The following YIPF6 variants were observed in gnomAD, a reference collection of about 807,000 sequenced individuals.
The protein encoded by YIPF6 is protein YIPF6.
YIPF6 carries 3 observed loss-of-function variants against 16.8 expected under a neutral mutation model. The observed-to-expected ratio is 0.18, with a 90% CI of 0.08 to 0.46. The LOEUF (loss-of-function observed/expected upper bound fraction) is 0.46. Ranked by LOEUF, YIPF6 falls within the 20% of genes least tolerant of loss-of-function variation. YIPF6 has a pLI of 0.98. For missense variants in YIPF6, 145 were observed against 184.9 expected (o/e 0.78, Z 1.25); for synonymous variants, 67 against 61.9 (o/e 1.08, Z -0.38).
At chrX:68,522,035 C>T (rs1483676716) in intron 5 of YIPF6, among the ~76,000 whole-genome samples, 1 of 111,137 alleles carries the variant, frequency 9.0e-6, no homozygotes, top group Non-Finnish European at 1.9e-5. Context: ...CTTCAGATGC[C>T]CTTTCCAGGC....
At position 68,532,156 on chromosome X, in the gene YIPF6, A is replaced by G; in HGVS notation, c.*157A>G. On this transcript the variant is annotated 3_prime_UTR_variant, in exon 7 of 7. Coordinates refer to ENST00000462683, the MANE Select transcript of YIPF6 (RefSeq NM_173834.4). ...TAAAAGGGAGCCATATAGCACTGTC[A>G]CCCCTTATTTGAGGAACTGATGTTT... The G allele has an allele frequency of 4.9e-6, 2 of 407,254 alleles. No homozygotes were observed. The highest frequency in any genetic ancestry group is 8.4e-6 in the Non-Finnish European group (2 of 237,741). The allele number at this position is 407,254 out of a possible 1,213,427, so 33.6% of individuals were successfully genotyped here.
Position 68,500,240 on chromosome X carries a change from G to A in YIPF6, c.57+1117G>A, listed in dbSNP as rs190687165. On this transcript the variant is annotated intron_variant, in intron 1 of 6. Coordinates refer to ENST00000462683, the MANE Select transcript of YIPF6 (RefSeq NM_173834.4). ...AGGAGTATAATGAGGTCAATATTCT[G>A]CTCCTGTCCCTCTTCTCAATGTGTT... Among the ~76,000 whole-genome samples, 9 of 112,036 alleles carry A rather than the reference G, an allele frequency of 8.0e-5. No individual in the cohort carries two copies. The East Asian group carries it at 1.7e-3, about 21-fold the overall frequency.
chrX:68,509,613 A>C (rs1254679384), intron 1 of YIPF6, among the ~76,000 whole-genome samples: 2 of 111,493 alleles, frequency 1.8e-5, no homozygotes, highest in African/African-American at 6.5e-5. Context: ...TCTCTGCCTT[A>C]GGCAGACCAT....
chrX:68,515,944 T>C (rs757945876), intron 3 of YIPF6, among the ~76,000 whole-genome samples: 4 of 111,423 alleles, frequency 3.6e-5, no homozygotes, highest in African/African-American at 1.3e-4. Context: ...GCCAACATGG[T>C]GAAACCCTGT....
Position 68,532,071 on chromosome X carries a change from G to A in YIPF6, c.*72G>A. 1 of 822,786 alleles carries A rather than the reference G, an allele frequency of 1.2e-6. No individual in the cohort carries two copies. The highest frequency in any genetic ancestry group is 1.8e-6 in the Non-Finnish European group (1 of 568,624). 67.8% of individuals were successfully genotyped at this position (822,786 alleles called of 1,213,427 possible). On this transcript the variant is annotated 3_prime_UTR_variant, in exon 7 of 7. Coordinates refer to ENST00000462683, the MANE Select transcript of YIPF6 (RefSeq NM_173834.4). ...AAGATGCAATTCACCATGGAGCTTT[G>A]TCTCTGGCCCTTATTTGTCTAATTT... is the stretch of plus-strand genomic sequence containing the variant.
intron 1 of YIPF6, among the ~76,000 whole-genome samples, chrX:68,507,605 A>ATT (rs201166623): frequency 4.0e-5 from 4 of 99,179 alleles, no homozygotes; most frequent in African/African-American, 7.3e-5. Context: ...GTCTATTATA[A>ATT]TTTTTTTTTT....
chrX:68,515,333 A>T (rs1285452388), intron 3 of YIPF6: 1 of 97,023 alleles, frequency 1.0e-5, no homozygotes, highest in East Asian at 2.9e-4. Flanking sequence ...CTCAAAAAAA[A>T]AAAAAATAAA....
At chrX:68,505,280 G>A (rs1177077337) in intron 1 of YIPF6, among the ~76,000 whole-genome samples, 2 of 111,022 alleles carry the variant, frequency 1.8e-5, no homozygotes, top group Non-Finnish European at 3.8e-5. Flanking sequence ...CATGGTGGTG[G>A]GTGCCTGTAA....
intron 1 of YIPF6, among the ~76,000 whole-genome samples, chrX:68,500,319 CTTTT>C: frequency 9.4e-6 from 1 of 106,707 alleles, no homozygotes; most frequent in East Asian, 2.9e-4. Context: ...CTTTTTTTTT[CTTTT>C]TCTTTTTTTG....
chrX:68,522,838 A>G lies in YIPF6; in HGVS notation c.513A>G (p.Val171=). ...TAGCAATGCTGATTTGCCGGCTGGT[A>G]CTTTTGGCTGATCCAGGACCTGTAA... ...LTVAMLICRL[V]LLADPGPVNF... is the part of the protein sequence containing the mutation. The change falls in exon 6 of 7, where the codon GTA becomes GTG. Residue 171 remains valine, a synonymous_variant. Coordinates refer to ENST00000462683, the MANE Select transcript of YIPF6 (RefSeq NM_173834.4). 1 of 1,211,020 alleles carries G rather than the reference A, an allele frequency of 8.3e-7. No individual in the cohort carries two copies. The highest frequency in any genetic ancestry group is 1.1e-6 in the Non-Finnish European group (1 of 895,327).
At chrX:68,513,596 AT>A (rs909926703) in intron 3 of YIPF6, 191 bp downstream of exon 3, 352 of 272,085 alleles carry the variant, frequency 1.3e-3, no homozygotes, top group Non-Finnish European at 1.3e-3. Context: ...TTTTATTTTC[AT>A]TTTTTTTTGA....
Position 68,508,932 on chromosome X carries a change from T to G in YIPF6, c.58-2917T>G, listed in dbSNP as rs1416759780. 2.7e-5 allele frequency among the ~76,000 whole-genome samples: 3 copies of G among 111,228 alleles called. No individual in the cohort carries two copies. The Admixed American group carries it at 2.9e-4, about 11-fold the overall frequency. ...ACTGCTAGAAGTGGCACATCTCTGC[T>G]GCTGAGTTGTCAGTCAGTAGGGGTT... is the stretch of plus-strand genomic sequence containing the variant. On this transcript the variant is annotated intron_variant, in intron 1 of 6. Transcript: ENST00000462683.
At position 68,522,857 on chromosome X, in the gene YIPF6, C is replaced by A. The variant is rs753078760; in HGVS notation, c.532C>A (p.Pro178Thr). The change falls in exon 6 of 7, where the codon CCT (proline) becomes ACT (threonine). Residue 178 changes from proline (P) to threonine (T), a missense_variant. Physicochemically the swap from Pro to Thr is conservative, Grantham distance 38 (BLOSUM62 -1). Coordinates refer to ENST00000462683, the MANE Select transcript of YIPF6 (RefSeq NM_173834.4). ...GCTGGTACTTTTGGCTGATCCAGGA[C>A]CTGTAAACTTCATGGTTCGGCTTTT... ...CRLVLLADPG[P>T]VNFMVRLFVV... The A allele has an allele frequency of 8.3e-7, 1 of 1,210,855 alleles. No individual in the cohort carries two copies. The highest frequency in any genetic ancestry group is 3.0e-5 in the East Asian group (1 of 33,805).
intron 6 of YIPF6, among the ~76,000 whole-genome samples, chrX:68,531,112 TTTTG>T (rs200293629): frequency 0.17 from 18,185 of 108,344 alleles, 2,335 homozygotes; most frequent in African/African-American, 0.4. Flanking sequence ...AATGATTCTT[TTTTG>T]TTTGTTTGTT....
intron 3 of YIPF6, chrX:68,514,245 T>C (rs947210545): frequency 2.0e-5 from 2 of 101,669 alleles, no homozygotes; most frequent in African/African-American, 7.1e-5. Context: ...AAAAAATATA[T>C]ATATATATAT....
intron 1 of YIPF6, chrX:68,510,595 T>A (rs1032558955): frequency 5.2e-5 from 5 of 96,858 alleles, no homozygotes; most frequent in African/African-American, 4.8e-5. Context: ...ATTTTATTTA[T>A]TTTATTTATT....
chrX:68,512,267 C>T (rs1249963187), intron 2 of YIPF6, among the ~76,000 whole-genome samples: 2 of 110,522 alleles, frequency 1.8e-5, no homozygotes, highest in South Asian at 3.8e-4. Context: ...CGAGACCAAC[C>T]TGGCCCAGAT....
intron 1 of YIPF6, among the ~76,000 whole-genome samples, chrX:68,506,100 G>A (rs2079058508): frequency 9.1e-6 from 1 of 110,377 alleles, no homozygotes; most frequent in Admixed American, 9.8e-5. Flanking sequence ...GTATTTTAAA[G>A]CAAAGCCCAG....
intron 1 of YIPF6, 77 bp downstream of exon 1, chrX:68,499,200 T>C: frequency 9.0e-7 from 1 of 1,105,027 alleles, no homozygotes; most frequent in Non-Finnish European, 1.2e-6. Context: ...GACGGGCTCG[T>C]GGCCTGAGAG....
Sources: allele counts gnomAD v4.1 joint callset (sites outside exome capture counted in the v4.1 genomes callset), GRCh38; gene constraint gnomAD v4.1.1; transcripts MANE v1.5; gene names NCBI Gene and HGNC (gene_info 2026-07-23, HGNC 2026-07-21).